HNRNPH3: variants seen among roughly 807,000 people sequenced by gnomAD.
The protein encoded by HNRNPH3 is heterogeneous nuclear ribonucleoprotein H3.
A neutral mutation model predicts 47.0 loss-of-function variants in HNRNPH3; 7 were observed. The observed-to-expected ratio is 0.15, with a 90% CI of 0.08 to 0.28. HNRNPH3 has a LOEUF of 0.28. HNRNPH3 is among the 10% of genes least tolerant of loss of function. HNRNPH3 has a pLI of 1.00. For synonymous variants in HNRNPH3, 120 were observed against 143.2 expected (o/e 0.84, Z 1.16); for missense variants, 279 against 449.6 (o/e 0.62, Z 3.43).
chr10:68,342,338 G>A lies in HNRNPH3; in HGVS notation c.*284G>A. On this transcript the variant is annotated 3_prime_UTR_variant, in exon 10 of 10. Coordinates refer to ENST00000265866, the MANE Select transcript of HNRNPH3 (RefSeq NM_012207.3). ...GATGTGCTGCCTTCATAAGATTTGG[G>A]TTGATGTATTTTACTATTAGTTCTA... 1 of 284,080 alleles carries A rather than the reference G, an allele frequency of 3.5e-6. No homozygotes were observed. The highest frequency in any genetic ancestry group is 6.7e-5 in the South Asian group (1 of 14,922). 17.6% of individuals were successfully genotyped at this position (284,080 alleles called of 1,614,324 possible). A position where few individuals can be genotyped will look rare whatever the true frequency, so the allele number is the denominator to read the frequency against.
At chr10:68,334,091 A>G (rs1281715128) in intron 1 of HNRNPH3, among the ~76,000 whole-genome samples, 1 of 152,158 alleles carries the variant, frequency 6.6e-6, no homozygotes, top group African/African-American at 2.4e-5. Context: ...ACTGAACTGC[A>G]GTAGATAAAA....
At chr10:68,341,465 AGTAATT>A (rs1485256966) in intron 7 of HNRNPH3, 114 bp from the exon 8 acceptor site, 89 of 985,060 alleles carry the variant, frequency 9.0e-5, no homozygotes, top group African/African-American at 1.3e-4. Flanking sequence ...TCGCTGTACT[AGTAATT>A]AATAAGCATA....
intron 6 of HNRNPH3, among the ~76,000 whole-genome samples, chr10:68,340,741 G>T (rs2045863403): frequency 6.6e-6 from 1 of 152,120 alleles, no homozygotes; most frequent in Non-Finnish European, 1.5e-5. Context: ...GTCTTAAATA[G>T]GTGGCTTTAT....
In HNRNPH3 at chr10:68,335,353, T is replaced by C. The variant is rs1480885406; in HGVS notation, c.-23-1846T>C. 2.6e-5 allele frequency among the ~76,000 whole-genome samples: 4 copies of C among 151,864 alleles called. 1 individual carries two copies. The highest frequency in any genetic ancestry group is 2.0e-4 in the Admixed American group (3 of 15,226). On this transcript the variant is annotated intron_variant, in intron 1 of 9. Transcript: ENST00000265866. Reference sequence around the variant, plus strand: ...TCAATTTTTCATGAAGCAGTGAGGGTAGATCTGTACCACTTTTTCCGTTCT... The same window carrying C: ...TCAATTTTTCATGAAGCAGTGAGGGCAGATCTGTACCACTTTTTCCGTTCT...
chr10:68,341,725 G>A, intron 8 of HNRNPH3, 34 bp from the exon 9 acceptor site: 1 of 1,583,404 alleles, frequency 6.3e-7, no homozygotes, highest in Middle Eastern at 1.7e-4. Flanking sequence ...GCTTATCGAT[G>A]AGTCTCAATT....
chr10:68,339,975 C>A (rs2045780223), intron 6 of HNRNPH3, among the ~76,000 whole-genome samples: 2 of 152,086 alleles, frequency 1.3e-5, no homozygotes, highest in Non-Finnish European at 2.9e-5. Flanking sequence ...AAAGACTGAT[C>A]AGCATAGAAT....
intron 1 of HNRNPH3, chr10:68,332,935 C>G (rs1393509510): frequency 6.6e-6 from 1 of 152,120 alleles, no homozygotes; most frequent in Non-Finnish European, 1.5e-5. Context: ...TTCTGCCGCC[C>G]GGTGGCGAAG....
intron 6 of HNRNPH3, 125 bp from the exon 7 acceptor site, chr10:68,341,049 C>CT (rs1297431984): frequency 9.5e-6 from 6 of 628,540 alleles, no homozygotes; most frequent in African/African-American, 5.7e-5. Context: ...CTGTAGTTGA[C>CT]TAAGTTATTA....
At chr10:68,340,958 C>T (rs1016126254) in intron 6 of HNRNPH3, 4 of 405,000 alleles carry the variant, frequency 9.9e-6, no homozygotes, top group South Asian at 3.8e-5. Flanking sequence ...TGAGCCACTG[C>T]GCCCTGCCTA....
At position 68,338,585 on chromosome 10, in the gene HNRNPH3, G is replaced by A. The variant is rs1010073928; in HGVS notation, c.334G>A (p.Gly112Arg). The change falls in exon 4 of 10, where the codon GGA (glycine) becomes AGA (arginine). Residue 112 changes from glycine to arginine, a missense_variant. Transcript: ENST00000265866. ...PPRRLLGQRP[G>R]PYDRPIGGRG... ...AAGAAGATTGCTGGGACAGCGACCG[G>A]GACCATATGATAGACCAATAGGAGG... 2 of 1,613,460 alleles carry A rather than the reference G, an allele frequency of 1.2e-6. No homozygotes were observed. Among genetic ancestry groups the A allele is most frequent in the Non-Finnish European group, 1.7e-6 (2 of 1,179,530 alleles).
At chr10:68,331,857 G>A (rs1173939530), upstream of HNRNPH3, 1 of 152,320 alleles carries the variant, frequency 6.6e-6, no homozygotes, top group Non-Finnish European at 1.5e-5. Flanking sequence ...GAAAAACGGT[G>A]CGCGCTGCAG....
chr10:68,341,545 A>G, intron 7 of HNRNPH3, 40 bp from the exon 8 acceptor site: 1 of 1,357,546 alleles, frequency 7.4e-7, no homozygotes, highest in Non-Finnish European at 1.0e-6. Context: ...TTTATCCATC[A>G]TTCCTTTCTC....
At chr10:68,339,588 A>G (rs1188987273) in intron 6 of HNRNPH3, 33 bp downstream of exon 6, 9 of 1,313,612 alleles carry the variant, frequency 6.9e-6, no homozygotes, top group Admixed American at 3.6e-5. Context: ...TAGTGGTTTT[A>G]TACTTATCCT....
chr10:68,338,172 TA>T, intron 3 of HNRNPH3, 176 bp downstream of exon 3: 7 of 499,816 alleles, frequency 1.4e-5, no homozygotes, highest in Non-Finnish European at 7.1e-6. Flanking sequence ...TGCTAATAGT[TA>T]AATTAAAATT....
chr10:68,335,036 G>A (rs1441130233), intron 1 of HNRNPH3, among the ~76,000 whole-genome samples: 5 of 152,048 alleles, frequency 3.3e-5, no homozygotes, highest in Non-Finnish European at 5.9e-5. Context: ...TAAGTGTTCC[G>A]AGTTCGGTTG....
rs893619427 is a variant in HNRNPH3, at chr10:68,342,207, G to A, written c.*153G>A. The A allele has an allele frequency of 3.3e-5, 18 of 552,476 alleles. No individual in the cohort carries two copies. Among genetic ancestry groups the A allele is most frequent in the Non-Finnish European group, 5.3e-5 (17 of 318,966 alleles). The allele number at this position is 552,476 out of a possible 1,614,324, so 34.2% of individuals were successfully genotyped here. On this transcript the variant is annotated 3_prime_UTR_variant, in exon 10 of 10. Coordinates refer to ENST00000265866, the MANE Select transcript of HNRNPH3 (RefSeq NM_012207.3). ...TTGGTAAAGCAACAGATTGTGATGG[G>A]AAAATGTTTTCTGTAGGTTTATTTG...
At position 68,339,426 on chromosome 10, in the gene HNRNPH3, ATTGTGT is replaced by A. The variant is rs1353658674; in HGVS notation, c.524-11_524-6del. ...CTGTAATAGTTTATAATCTTGGCAA[ATTGTGT>A]TTTCCAGGTATGGGAGGACATGGCT... On this transcript the variant is annotated splice_region_variant and splice_polypyrimidine_tract_variant and intron_variant, in intron 5 of 9. Coordinates refer to ENST00000265866, the MANE Select transcript of HNRNPH3 (RefSeq NM_012207.3). 6.2e-7 allele frequency: 1 copy of A among 1,605,882 alleles called. No individual in the cohort carries two copies. The highest frequency in any genetic ancestry group is 1.7e-5 in the Admixed American group (1 of 59,962).
At chr10:68,339,091 T>G in intron 4 of HNRNPH3, 49 bp from the exon 5 acceptor site, 1 of 1,392,808 alleles carries the variant, frequency 7.2e-7, no homozygotes, top group Non-Finnish European at 9.9e-7. Flanking sequence ...AATTATAAAA[T>G]TTATCTCTGG....
chr10:68,341,443 G>A, intron 7 of HNRNPH3, 134 bp downstream of exon 7: 2 of 1,048,212 alleles, frequency 1.9e-6, no homozygotes, highest in Non-Finnish European at 2.8e-6. Context: ...GGCTTTCTGT[G>A]GGCTTTATAT....
Sources: allele counts gnomAD v4.1 joint callset (sites outside exome capture counted in the v4.1 genomes callset), GRCh38; gene constraint gnomAD v4.1.1; transcripts MANE v1.5; gene names NCBI Gene and HGNC (gene_info 2026-07-23, HGNC 2026-07-21).